FILIP1L: variants seen among roughly 807,000 people sequenced by gnomAD.
The protein encoded by FILIP1L is filamin A interacting protein 1 like, also known as filamin A-interacting protein 1-like.
In FILIP1L, 55 loss-of-function variants were observed where a neutral mutation model predicts 96.6. The ratio of observed to expected loss-of-function variants is 0.57; its 90% CI spans 0.46 to 0.71. The LOEUF is 0.71. FILIP1L is among the 30% of genes least tolerant of loss of function. The pLI is 0.00. For missense variants in FILIP1L, 1,304 were observed against 1,321.2 expected (o/e 0.99, Z 0.20); for synonymous variants, 467 against 473.9 (o/e 0.99, Z 0.19).
chr3:100,053,527 C>A (rs2065409002), intron 1 of FILIP1L, among the ~76,000 whole-genome samples: 1 of 152,134 alleles, frequency 6.6e-6, no homozygotes, highest in Non-Finnish European at 1.5e-5. Context: ...TGGGGCCTAC[C>A]CTAATCCAGT....
intron 1 of FILIP1L, among the ~76,000 whole-genome samples, chr3:100,053,972 A>G (rs143908850): frequency 6.6e-6 from 1 of 152,342 alleles, no homozygotes; most frequent in African/African-American, 2.4e-5. Context: ...CAAATTCTAT[A>G]CTTTGTTCTT....
At position 99,848,552 on chromosome 3, in the gene FILIP1L, A is replaced by G. The variant is rs371644128; in HGVS notation, c.3124T>C (p.Trp1042Arg). Residue 1042 changes from tryptophan (W) to arginine (R), a missense_variant, in exon 5 of 6, where the codon TGG becomes CGG. Trp to Arg is a moderately radical substitution (Grantham distance 101). Transcript: ENST00000477258. ...TTGCTGTTTGAACGCTGAAACTGCCATGATGACTGCCGGTCTGGGGAGACT... is the reference window on the plus strand; with the variant it reads ...TTGCTGTTTGAACGCTGAAACTGCCGTGATGACTGCCGGTCTGGGGAGACT... ...FRVSPDRQSS[W>R]QFQRSNSNSS... is the part of the protein sequence containing the mutation. 1.1e-4 allele frequency: 172 copies of G among 1,614,242 alleles called. No individual in the cohort carries two copies. The highest frequency in any genetic ancestry group is 9.9e-4 in the Middle Eastern group (6 of 6,062).
intron 4 of FILIP1L, among the ~76,000 whole-genome samples, chr3:99,893,896 C>G (rs1176641051): frequency 6.6e-6 from 1 of 152,156 alleles, no homozygotes; most frequent in Non-Finnish European, 1.5e-5. Context: ...TCCCCCTTTG[C>G]CAAATCCACA....
chr3:100,094,536 A>G (rs1050563219), intron 1 of FILIP1L, among the ~76,000 whole-genome samples: 8 of 152,038 alleles, frequency 5.3e-5, no homozygotes, highest in African/African-American at 1.9e-4. Context: ...CTTATTTTCT[A>G]AGAGAATTTT....
chr3:100,009,113 G>T (rs1710069980), intron 1 of FILIP1L, among the ~76,000 whole-genome samples: 1 of 152,118 alleles, frequency 6.6e-6, no homozygotes, highest in African/African-American at 2.4e-5. Flanking sequence ...TTAAATATTA[G>T]AATATTCCCG....
At chr3:99,956,458 T>A (rs986556570) in intron 1 of FILIP1L, among the ~76,000 whole-genome samples, 22 of 152,180 alleles carry the variant, frequency 1.4e-4, no homozygotes, top group African/African-American at 5.3e-4. Context: ...GTTCAAGTGA[T>A]TCTTGTGTCT....
intron 1 of FILIP1L, among the ~76,000 whole-genome samples, chr3:99,971,133 C>A (rs994848743): frequency 7.2e-5 from 11 of 152,030 alleles, no homozygotes; most frequent in Non-Finnish European, 1.6e-4. Context: ...GTCAGGAGAT[C>A]GAGACCATCC....
chr3:99,976,167 C>A (rs1708965215), intron 1 of FILIP1L, among the ~76,000 whole-genome samples: 1 of 152,160 alleles, frequency 6.6e-6, no homozygotes, highest in Admixed American at 6.5e-5. Context: ...AGCCACCGCA[C>A]CTGGCCCAGT....
chr3:99,853,237 G>T (rs1943793935), intron 4 of FILIP1L, among the ~76,000 whole-genome samples: 1 of 152,298 alleles, frequency 6.6e-6, no homozygotes, highest in South Asian at 2.1e-4. Context: ...TCCTGCCTTA[G>T]CATTAGAATT....
chr3:100,044,844 C>T (rs1434887407), intron 1 of FILIP1L, among the ~76,000 whole-genome samples: 2 of 152,152 alleles, frequency 1.3e-5, no homozygotes, highest in African/African-American at 4.8e-5. Context: ...GTTAATGGCT[C>T]CAAAACAGAT....
At chr3:99,944,117 G>C (rs1707933963) in intron 1 of FILIP1L, among the ~76,000 whole-genome samples, 1 of 152,186 alleles carries the variant, frequency 6.6e-6, no homozygotes, top group Admixed American at 6.5e-5. Context: ...GCATCATGAG[G>C]AGAGTACATT....
rs150862188 is a variant in FILIP1L, at chr3:99,833,181, T to C, written c.3382-2576A>G. 7.8e-4 allele frequency: 1,190 copies of C among 1,526,418 alleles called. 4 individuals carry two copies. The African/African-American group carries it at 0.015, about 19-fold the overall frequency. 94.6% of individuals were successfully genotyped at this position (1,526,418 alleles called of 1,614,324 possible). ...ATTTTTTAATAAATGCTTAACCCAG[T>C]TCAACATGAAGACTGGGATTTGGAA... On this transcript the variant is annotated intron_variant, in intron 5 of 5. Transcript: ENST00000477258.
At chr3:99,876,544 T>C (rs901046665) in intron 4 of FILIP1L, among the ~76,000 whole-genome samples, 13 of 152,254 alleles carry the variant, frequency 8.5e-5, no homozygotes, top group African/African-American at 2.7e-4. Context: ...TGTAAACTTT[T>C]GTAAATTCAT....
rs966170242 is a variant in FILIP1L at position 99,842,196 on chromosome 3, A to G, written c.3381+6099T>C. On this transcript the variant is annotated intron_variant, in intron 5 of 5. Transcript: ENST00000477258. ...ATGGCATTCGTAGCAACCTGGATGGAATTGGAGACTATTGTTCTAAGTGAA... is the reference window on the plus strand; with the variant it reads ...ATGGCATTCGTAGCAACCTGGATGGGATTGGAGACTATTGTTCTAAGTGAA... Among the ~76,000 whole-genome samples, 3 of 152,188 alleles carry G rather than the reference A, an allele frequency of 2.0e-5. No homozygotes were observed. The South Asian group carries it at 6.2e-4, about 32-fold the overall frequency.
intron 1 of FILIP1L, among the ~76,000 whole-genome samples, chr3:99,992,208 A>G (rs1217807474): frequency 1.3e-5 from 2 of 152,004 alleles, no homozygotes; most frequent in African/African-American, 4.8e-5. Context: ...GCTGAATCAA[A>G]TGGTAGTTCT....
At chr3:99,958,773 G>A (rs1478555798) in intron 1 of FILIP1L, among the ~76,000 whole-genome samples, 1 of 152,140 alleles carries the variant, frequency 6.6e-6, no homozygotes, top group Non-Finnish European at 1.5e-5. Context: ...GTTTTGGAGA[G>A]GCTGGTGATG....
chr3:100,074,560 CT>C (rs1353084474), intron 1 of FILIP1L, among the ~76,000 whole-genome samples: 26 of 151,478 alleles, frequency 1.7e-4, no homozygotes, highest in African/African-American at 6.3e-4. Flanking sequence ...ATAAAATAAG[CT>C]TTCTTATTTA....
chr3:99,924,408 A>C lies in FILIP1L; in HGVS notation c.427T>G (p.Leu143Val). 1 of 1,613,626 alleles carries C rather than the reference A, an allele frequency of 6.2e-7. No individual in the cohort carries two copies. The highest frequency in any genetic ancestry group is 8.5e-7 in the Non-Finnish European group (1 of 1,179,866). Residue 143 changes from leucine to valine, a missense_variant and splice_region_variant, in exon 4 of 6, where the codon TTG becomes GTG. Leu to Val is a conservative substitution (Grantham distance 32). Coordinates refer to ENST00000477258, the MANE Select transcript of FILIP1L (RefSeq NM_001387850.1). Reference sequence around the variant, plus strand: ...TTATGTTTTTCCACAACTTTGTCCAACTACGAAAGAAAACATTTATAGCCT... The same window carrying C: ...TTATGTTTTTCCACAACTTTGTCCACCTACGAAAGAAAACATTTATAGCCT... Reference protein sequence around the residue: ...EDIYEKPMNELDKVVEKHKES... With the variant: ...EDIYEKPMNEVDKVVEKHKES...
In FILIP1L at chr3:99,850,088, T is replaced by C. The variant is rs901575559; in HGVS notation, c.1588A>G (p.Asn530Asp). 6.2e-7 allele frequency: 1 copy of C among 1,613,232 alleles called. No homozygotes were observed. The highest frequency in any genetic ancestry group is 2.2e-5 in the East Asian group (1 of 44,862). Residue 530 changes from asparagine (N) to aspartate (D), a missense_variant, in exon 5 of 6, where the codon AAT becomes GAT. Asn to Asp is a conservative substitution (Grantham distance 23). Transcript: ENST00000477258. ...TTCTCAGTAACTGTTGTTACTTTAT[T>C]TTGCTCCACTTGAAGCTGAGAAGAA... ...AASSQLQVEQ[N>D]KVTTVTEKLI...
Sources: allele counts gnomAD v4.1 joint callset (sites outside exome capture counted in the v4.1 genomes callset), GRCh38; gene constraint gnomAD v4.1.1; transcripts MANE v1.5; gene names NCBI Gene and HGNC (gene_info 2026-07-23, HGNC 2026-07-21).